The following WDR27 variants were observed in gnomAD, a reference collection of about 807,000 sequenced individuals.
The protein encoded by WDR27 is WD repeat domain 27.
In WDR27, 100 loss-of-function variants were observed where a neutral mutation model predicts 114.4. That is an observed-to-expected ratio of 0.87 (90% CI 0.74 to 1.03). The LOEUF is 1.03. WDR27 is among the 50% of genes least tolerant of loss of function. The probability of loss-of-function intolerance (pLI) is 0.00; values close to 1 mark genes in which losing one functional copy is unlikely to be tolerated. For missense variants in WDR27, 1,129 were observed against 1,092.9 expected (o/e 1.03, Z -0.47); for synonymous variants, 449 against 423.1 (o/e 1.06, Z -0.75).
Position 169,602,902 on chromosome 6 carries a change from C to T in WDR27, c.2322-581G>A, listed in dbSNP as rs1438911228. Reference sequence around the variant, plus strand: ...TGTCACCCAGGCTGGAGTGCAGTGGCATGATCTAGGCTCACTGCAACCTCT... The same window carrying T: ...TGTCACCCAGGCTGGAGTGCAGTGGTATGATCTAGGCTCACTGCAACCTCT... On this transcript the variant is annotated intron_variant, in intron 22 of 25. Coordinates refer to ENST00000448612, the MANE Select transcript of WDR27 (RefSeq NM_182552.5). Among the ~76,000 whole-genome samples the T allele has an allele frequency of 4.8e-5, 7 of 145,918 alleles. No individual in the cohort carries two copies. The South Asian group carries it at 1.3e-3, about 27-fold the overall frequency.
rs1384993802 is a variant in WDR27 at position 169,688,740 on chromosome 6, C to T, written c.189+77G>A. The T allele has an allele frequency of 3.6e-6, 4 of 1,123,750 alleles. No homozygotes were observed. In the South Asian group the frequency reaches 8.6e-5, roughly 24 times the overall value. 69.6% of individuals were successfully genotyped at this position (1,123,750 alleles called of 1,614,324 possible). The stretch of plus-strand genomic sequence containing the variant: ...GTAGCTGAATCCACAGAGGGTAATG[C>T]TGTCCGAACAGCATCAAAGACATGG... On this transcript the variant is annotated intron_variant, in intron 2 of 25. Transcript: ENST00000448612.
At position 169,667,145 on chromosome 6, in the gene WDR27, C is replaced by T. The variant is rs868757174; in HGVS notation, c.703G>A (p.Val235Met). The T allele has an allele frequency of 6.6e-7, 1 of 1,526,108 alleles. No homozygotes were observed. Among genetic ancestry groups the T allele is most frequent in the Non-Finnish European group, 8.8e-7 (1 of 1,138,730 alleles). The allele number at this position is 1,526,108 out of a possible 1,614,324, so 94.5% of individuals were successfully genotyped here. Residue 235 changes from valine (V) to methionine (M), a missense_variant, in exon 6 of 26, where the codon GTG becomes ATG. Transcript: ENST00000448612. ...CTGSLIYSSS[V>M]LSAYPLLSLF... ...AAAGTTTTAAATTTACCTGATAACA[C>T]AGATGAACTGTATATTAATGATCCT... is the stretch of plus-strand genomic sequence containing the variant.
chr6:169,641,724 T>C (rs1460903493), intron 17 of WDR27, among the ~76,000 whole-genome samples: 2 of 152,212 alleles, frequency 1.3e-5, no homozygotes. Context: ...ACTTCATACT[T>C]GGACAAAGAT....
chr6:169,624,684 A>G (rs1031746149), intron 21 of WDR27, among the ~76,000 whole-genome samples: 4 of 152,208 alleles, frequency 2.6e-5, no homozygotes, highest in Admixed American at 6.5e-5. Context: ...ATTTAATTAA[A>G]TAATTTTCCC....
In WDR27 at chr6:169,582,842, C is replaced by T. The variant is rs752469238; in HGVS notation, c.2517G>A (p.Ala839=). 31 of 1,613,446 alleles carry T rather than the reference C, an allele frequency of 1.9e-5. No homozygotes were observed. The highest frequency in any genetic ancestry group is 3.3e-5 in the Admixed American group (2 of 59,978). ...CCACTCAGCAAGACTGTACCTGGGGCGCTGATGGGTTGAAGGCCACTCCAG... is the reference window on the plus strand; with the variant it reads ...CCACTCAGCAAGACTGTACCTGGGGTGCTGATGGGTTGAAGGCCACTCCAG... The part of the protein sequence containing the change: ...TVTGVAFNPS[A]PQMESRSVAH... Residue 839 remains alanine (A), a synonymous_variant, in exon 24 of 26, where the codon GCG becomes GCA. Transcript: ENST00000448612.
intron 24 of WDR27, among the ~76,000 whole-genome samples, chr6:169,576,592 C>T (rs1321053055): frequency 6.6e-6 from 1 of 152,042 alleles, no homozygotes; most frequent in Non-Finnish European, 1.5e-5. Context: ...GAGACCCCAT[C>T]TCTATTAAAA....
At chr6:169,504,208 T>C (rs2115498810) in intron 25 of WDR27, among the ~76,000 whole-genome samples, 1 of 152,344 alleles carries the variant, frequency 6.6e-6, no homozygotes, top group Non-Finnish European at 1.5e-5. Flanking sequence ...CAGAATATTT[T>C]CATAATAAAA....
chr6:169,539,793 C>A (rs1279073446), intron 25 of WDR27, among the ~76,000 whole-genome samples: 1 of 152,166 alleles, frequency 6.6e-6, no homozygotes, highest in Non-Finnish European at 1.5e-5. Context: ...GTTACCTCAG[C>A]CACAGTAAGC....
chr6:169,636,560 T>C, intron 18 of WDR27, 56 bp from the exon 19 acceptor site: 3 of 1,502,394 alleles, frequency 2.0e-6, no homozygotes, highest in Middle Eastern at 1.8e-4. Context: ...AAAAACACTA[T>C]TGCTCTAAAC....
At chr6:169,456,466 G>C (rs1403669097), downstream of WDR27, among the ~76,000 whole-genome samples, 1 of 152,180 alleles carries the variant, frequency 6.6e-6, no homozygotes, top group Non-Finnish European at 1.5e-5. The surrounding 1 kb of genome is among the most constrained non-coding windows in gnomAD (Gnocchi z 4.0). Context: ...GCTGGTCCCA[G>C]GAGTCCTCAC....
chr6:169,651,194 A>T (rs948053414), intron 14 of WDR27, among the ~76,000 whole-genome samples: 6 of 8,988 alleles, frequency 6.7e-4, no homozygotes, highest in African/African-American at 2.7e-3. Context: ...GGGGGGGGGG[A>T]GTGGGGGAGT....
intron 25 of WDR27, among the ~76,000 whole-genome samples, chr6:169,483,748 G>A (rs748669810): frequency 3.3e-5 from 5 of 151,140 alleles, no homozygotes; most frequent in African/African-American, 4.9e-5. Flanking sequence ...GGCCAATATC[G>A]TTGATGAGCA....
intron 25 of WDR27, among the ~76,000 whole-genome samples, chr6:169,565,013 C>G (rs73790016): frequency 6.6e-6 from 1 of 151,866 alleles, no homozygotes; most frequent in African/African-American, 2.4e-5. Flanking sequence ...ACGCTGTCAG[C>G]GAGCACTCCC....
chr6:169,613,501 T>G, intron 22 of WDR27, 58 bp downstream of exon 22: 7 of 1,343,618 alleles, frequency 5.2e-6, no homozygotes, highest in South Asian at 1.2e-5. Context: ...GAGATCAGAT[T>G]GAGCTTATAT....
chr6:169,539,579 A>T (rs939708657), intron 25 of WDR27, among the ~76,000 whole-genome samples: 2 of 152,170 alleles, frequency 1.3e-5, no homozygotes, highest in African/African-American at 4.8e-5. Context: ...CAGTTCAGAG[A>T]ACTTATACCC....
intron 25 of WDR27, among the ~76,000 whole-genome samples, chr6:169,458,404 G>A (rs1324863506): frequency 6.6e-6 from 1 of 151,816 alleles, no homozygotes; most frequent in Non-Finnish European, 1.5e-5. Flanking sequence ...TCCAGGAGAA[G>A]CAACTTCCAG....
intron 25 of WDR27, among the ~76,000 whole-genome samples, chr6:169,494,901 G>A (rs955103667): frequency 1.3e-5 from 2 of 152,150 alleles, no homozygotes; most frequent in African/African-American, 4.8e-5. Context: ...AGTCAACACT[G>A]TTTTTCAGGC....
chr6:169,632,233 G>A (rs1357527081), intron 21 of WDR27, among the ~76,000 whole-genome samples: 2 of 150,402 alleles, frequency 1.3e-5, no homozygotes, highest in Admixed American at 1.3e-4. Flanking sequence ...GTGTTAACCT[G>A]TGGATAACAA....
intron 25 of WDR27, among the ~76,000 whole-genome samples, chr6:169,562,977 G>A (rs1399299171): frequency 6.6e-6 from 1 of 152,162 alleles, no homozygotes; most frequent in Non-Finnish European, 1.5e-5. Context: ...CAGCAGCGCT[G>A]CCGGGGGAAT....
Sources: gnomAD v4.1 joint callset for allele counts (sites outside exome capture counted in the v4.1 genomes callset) on GRCh38, gnomAD v4.1.1 for gene constraint, Gnocchi (gnomAD v3.1) non-coding constraint, MANE v1.5 for transcripts, NCBI Gene and HGNC (gene_info 2026-07-23, HGNC 2026-07-21) for gene names.